BCKDHB: variants seen among roughly 807,000 people sequenced by gnomAD.
BCKDHB encodes branched chain keto acid dehydrogenase E1 subunit beta, also known as 2-oxoisovalerate dehydrogenase subunit beta, mitochondrial.
A neutral mutation model predicts 48.5 loss-of-function variants in BCKDHB; 41 were observed. The observed-to-expected ratio is 0.85, with a 90% confidence interval of 0.66 to 1.10. The LOEUF is 1.10. Among genes scored for constraint, BCKDHB ranks in the 50% least tolerant of loss-of-function variants. The probability of loss-of-function intolerance (pLI) is 0.00; values close to 1 mark genes in which losing one functional copy is unlikely to be tolerated. For missense variants in BCKDHB, 496 were observed against 494.2 expected, an observed-to-expected ratio of 1.00 and a Z score of -0.03; for synonymous variants, 201 against 174.8, an observed-to-expected ratio of 1.15 and a Z score of -1.18.
chr6:80,419,442 C>G, the BCKDHB span, among the ~76,000 whole-genome samples: 2 of 152,140 alleles, frequency 1.3e-5, no homozygotes, highest in Admixed American at 6.5e-5. Context: ...GACTGACCCT[C>G]TCTCATGGGC....
chr6:80,452,462 T>C, the BCKDHB span, among the ~76,000 whole-genome samples: 1 of 152,066 alleles, frequency 6.6e-6, no homozygotes, highest in Non-Finnish European at 1.5e-5. Flanking sequence ...ATGCAGGGGA[T>C]ATAAGAATAA....
intron 3 of BCKDHB, among the ~76,000 whole-genome samples, chr6:80,139,612 G>A (rs981228043): frequency 6.6e-6 from 1 of 151,946 alleles, no homozygotes; most frequent in African/African-American, 2.4e-5. Flanking sequence ...TCAGATAGTT[G>A]TAGATATGTG....
rs187585125 is a variant in BCKDHB at position 80,164,609 on chromosome 6, A to T, written c.344-3069A>T. Among the ~76,000 whole-genome samples, 66 of 152,320 alleles carry T rather than the reference A, an allele frequency of 4.3e-4. 1 individual carries two copies. In the East Asian group the frequency reaches 0.012, roughly 28 times the overall value. On this transcript the variant is annotated intron_variant, in intron 3 of 9. Transcript: ENST00000320393. ...TCGTTTTGTTTGCTGCTGTTAGGAAAGTGTCTGTATAATATTAAGTAGTTT... is the reference window on the plus strand; with the variant it reads ...TCGTTTTGTTTGCTGCTGTTAGGAATGTGTCTGTATAATATTAAGTAGTTT...
At chr6:80,349,221 A>T (rs963744674), downstream of BCKDHB, among the ~76,000 whole-genome samples, 3 of 152,244 alleles carry the variant, frequency 2.0e-5, no homozygotes, top group Non-Finnish European at 4.4e-5. Flanking sequence ...TGAAAGTTTA[A>T]TAATGGCTTT....
chr6:80,196,055 CTTA>C (rs1481284491), intron 6 of BCKDHB, among the ~76,000 whole-genome samples: 1 of 152,102 alleles, frequency 6.6e-6, no homozygotes, highest in South Asian at 2.1e-4. Flanking sequence ...GAGAAATGAC[CTTA>C]TTATCTCTGT....
intron 9 of BCKDHB, among the ~76,000 whole-genome samples, chr6:80,330,764 C>T (rs948544426): frequency 6.6e-6 from 1 of 152,138 alleles, no homozygotes; most frequent in South Asian, 2.1e-4. Context: ...CCAAGAGCTA[C>T]GTGGAAGCAT....
intron 8 of BCKDHB, among the ~76,000 whole-genome samples, chr6:80,220,734 C>CTTTTTT (rs67235328): frequency 1.5e-4 from 18 of 121,946 alleles, no homozygotes; most frequent in African/African-American, 2.1e-4. Flanking sequence ...TTTTCTTTTT[C>CTTTTTT]TTTTTTTTTT....
intron 3 of BCKDHB, among the ~76,000 whole-genome samples, chr6:80,162,543 A>G (rs1772367491): frequency 6.6e-6 from 1 of 151,984 alleles, no homozygotes; most frequent in Non-Finnish European, 1.5e-5. Flanking sequence ...ATATGCTGTT[A>G]TTTTTTCCAT....
chr6:80,289,678 A>G (rs2127982963), intron 9 of BCKDHB, among the ~76,000 whole-genome samples: 1 of 152,278 alleles, frequency 6.6e-6, no homozygotes, highest in South Asian at 2.1e-4. Flanking sequence ...TCTCACCGCC[A>G]GCCTCTGGGA....
chr6:80,287,998 C>A (rs1335476044), intron 9 of BCKDHB, among the ~76,000 whole-genome samples: 1 of 152,108 alleles, frequency 6.6e-6, no homozygotes, highest in Non-Finnish European at 1.5e-5. Context: ...ACAAACTACT[C>A]GAGAATCATT....
chr6:80,150,158 T>G (rs1045947112), intron 3 of BCKDHB, among the ~76,000 whole-genome samples: 13 of 152,084 alleles, frequency 8.5e-5, no homozygotes, highest in Admixed American at 2.0e-4. Context: ...GCCCTCTCTT[T>G]CCACTTCAAA....
the BCKDHB span, among the ~76,000 whole-genome samples, chr6:80,383,889 ATATT>A: frequency 6.6e-6 from 1 of 152,110 alleles, no homozygotes; most frequent in Non-Finnish European, 1.5e-5. Flanking sequence ...TTATTTTTCT[ATATT>A]TAGATGAATA....
At chr6:80,165,482 A>T (rs1243447356) in intron 3 of BCKDHB, among the ~76,000 whole-genome samples, 2 of 152,188 alleles carry the variant, frequency 1.3e-5, no homozygotes, top group South Asian at 2.1e-4. Flanking sequence ...TGATTAAGCT[A>T]AAAGTGAATT....
the BCKDHB span, among the ~76,000 whole-genome samples, chr6:80,383,474 AATGACT>A: frequency 6.6e-6 from 1 of 152,118 alleles, no homozygotes; most frequent in East Asian, 1.9e-4. Context: ...GACTTTTTCA[AATGACT>A]ATAACTATAT....
downstream of BCKDHB, among the ~76,000 whole-genome samples, chr6:80,349,898 G>C (rs189939871): frequency 9.9e-5 from 15 of 152,128 alleles, no homozygotes; most frequent in Admixed American, 9.2e-4. Context: ...GGATATTTTG[G>C]TTATATACAT....
chr6:80,208,853 A>AT (rs1436877579), intron 8 of BCKDHB, among the ~76,000 whole-genome samples: 1 of 151,862 alleles, frequency 6.6e-6, no homozygotes, highest in East Asian at 1.9e-4. Flanking sequence ...TGTAGTCCTT[A>AT]TGCAAACCCT....
intron 9 of BCKDHB, among the ~76,000 whole-genome samples, chr6:80,327,281 A>G (rs573250118): frequency 3.3e-5 from 5 of 152,320 alleles, no homozygotes; most frequent in Admixed American, 6.5e-5. Context: ...CACAAAGCCT[A>G]TTTTATAATG....
At chr6:80,451,535 C>T in the BCKDHB span, among the ~76,000 whole-genome samples, 46 of 152,106 alleles carry the variant, frequency 3.0e-4, no homozygotes, top group African/African-American at 8.2e-4. Flanking sequence ...GCCGAGAGTT[C>T]GAAACCAGCC....
rs1363196127 is a variant in BCKDHB, at chr6:80,344,766, C to CT, written c.*964dup. On this transcript the variant is annotated 3_prime_UTR_variant, in exon 10 of 10. Transcript: ENST00000320393. ...AGTGTACTTTATACCATTGTTTCAA[C>CT]TTCAACCTTTATTTTTGTATATATT... 1 of 152,166 alleles carries CT rather than the reference C, an allele frequency of 6.6e-6. No homozygotes were observed. Among genetic ancestry groups the CT allele is most frequent in the Non-Finnish European group, 1.5e-5 (1 of 68,020 alleles). The allele number at this position is 152,166 out of a possible 1,614,324, so 9.4% of individuals were successfully genotyped here. A position where few individuals can be genotyped will look rare whatever the true frequency, so the allele number is the denominator to read the frequency against.
Sources: allele counts gnomAD v4.1 joint callset (sites outside exome capture counted in the v4.1 genomes callset), GRCh38; gene constraint gnomAD v4.1.1; transcripts MANE v1.5; gene names NCBI Gene and HGNC (gene_info 2026-07-23, HGNC 2026-07-21).